Variants in CDH2 observed in about 807,000 individuals in gnomAD.
CDH2 encodes cadherin 2, also known as cadherin-2.
CDH2 carries 17 observed loss-of-function variants against 92.0 expected under a neutral mutation model. The observed-to-expected ratio is 0.18, with a 90% CI of 0.13 to 0.28. The LOEUF is 0.28. Among genes scored for constraint, CDH2 ranks in the 10% least tolerant of loss-of-function variants. The pLI, the probability that CDH2 is intolerant of heterozygous loss-of-function variation, is 1.00. For missense variants in CDH2, 862 were observed against 1,133.1 expected (o/e 0.76, Z 3.44); for synonymous variants, 419 against 415.9 (o/e 1.01, Z -0.09).
At chr18:28,176,088 CA>C (rs1025372695) in intron 1 of CDH2, among the ~76,000 whole-genome samples, 6 of 152,212 alleles carry the variant, frequency 3.9e-5, no homozygotes, top group African/African-American at 1.4e-4. Flanking sequence ...CGGACTGGAG[CA>C]GGTGCTTCCT....
At chr18:28,159,658 GTTTTTTT>G in intron 1 of CDH2, among the ~76,000 whole-genome samples, 1 of 134,912 alleles carries the variant, frequency 7.4e-6, no homozygotes, top group African/African-American at 2.7e-5. Context: ...CAATTTTTTT[GTTTTTTT>G]TTTTTTTTTG....
At chr18:28,051,056 C>G (rs1359675871) in intron 2 of CDH2, among the ~76,000 whole-genome samples, 1 of 152,150 alleles carries the variant, frequency 6.6e-6, no homozygotes, top group Non-Finnish European at 1.5e-5. Flanking sequence ...TTTTCCTTCT[C>G]AATTCTAATC....
intron 6 of CDH2, among the ~76,000 whole-genome samples, chr18:27,942,639 G>A (rs915475102): frequency 2.6e-5 from 4 of 152,196 alleles, no homozygotes; most frequent in African/African-American, 9.7e-5. Context: ...GCTGCATAAA[G>A]AAACAGAAGA....
At chr18:28,123,908 TAGAC>T (rs766798022) in intron 2 of CDH2, among the ~76,000 whole-genome samples, 1 of 152,132 alleles carries the variant, frequency 6.6e-6, no homozygotes, top group Admixed American at 6.6e-5. Flanking sequence ...ATTAAAATAA[TAGAC>T]AGCATTCAGT....
chr18:28,107,975 G>C (rs2015350256), intron 2 of CDH2, among the ~76,000 whole-genome samples: 1 of 152,144 alleles, frequency 6.6e-6, no homozygotes, highest in African/African-American at 2.4e-5. Flanking sequence ...TATCTTCAAA[G>C]AACTTTCTTG....
intron 15 of CDH2, among the ~76,000 whole-genome samples, chr18:27,952,702 T>C (rs550564057): frequency 2.0e-5 from 3 of 152,112 alleles, no homozygotes; most frequent in African/African-American, 7.2e-5. Flanking sequence ...AATAACATAA[T>C]ATATAGAGCA....
intron 5 of CDH2, among the ~76,000 whole-genome samples, chr18:28,007,926 G>T (rs1185023768): frequency 2.0e-5 from 3 of 152,054 alleles, no homozygotes; most frequent in East Asian, 1.9e-4. Context: ...TATAGACAGG[G>T]TTTCACCATG....
chr18:28,087,572 T>C (rs1246511000), intron 2 of CDH2, among the ~76,000 whole-genome samples: 1 of 152,116 alleles, frequency 6.6e-6, no homozygotes, highest in Non-Finnish European at 1.5e-5. Context: ...CCAAGCTTTT[T>C]ATTACATTGG....
At chr18:28,075,756 C>T (rs1034554392) in intron 2 of CDH2, among the ~76,000 whole-genome samples, 2 of 152,148 alleles carry the variant, frequency 1.3e-5, no homozygotes, top group African/African-American at 4.8e-5. Flanking sequence ...TACTGTGGAA[C>T]CTTCAGATAG....
intron 2 of CDH2, among the ~76,000 whole-genome samples, chr18:28,121,176 A>C (rs11083249): frequency 0.23 from 35,047 of 152,110 alleles, 4,548 homozygotes; most frequent in Non-Finnish European, 0.3. Context: ...CCAGGGGTTT[A>C]GGGTCAATAG....
chr18:28,168,928 G>A (rs2144366463), intron 1 of CDH2, among the ~76,000 whole-genome samples: 1 of 152,194 alleles, frequency 6.6e-6, no homozygotes, highest in East Asian at 1.9e-4. Flanking sequence ...AAACCCGTAT[G>A]CTTTGTAGTC....
At chr18:28,029,986 C>T (rs185559205) in intron 2 of CDH2, among the ~76,000 whole-genome samples, 3 of 152,182 alleles carry the variant, frequency 2.0e-5, no homozygotes, top group South Asian at 2.1e-4. Flanking sequence ...ATCCTGTGCA[C>T]GTATTATTTG....
chr18:28,111,124 C>T (rs1423678971), intron 2 of CDH2, among the ~76,000 whole-genome samples: 3 of 152,184 alleles, frequency 2.0e-5, no homozygotes, highest in African/African-American at 4.8e-5. Flanking sequence ...GCAGTGGCGC[C>T]CCTGGCCTAC....
chr18:27,947,346 A>G (rs1909293153), downstream of CDH2, among the ~76,000 whole-genome samples: 1 of 152,008 alleles, frequency 6.6e-6, no homozygotes, highest in East Asian at 1.9e-4. Flanking sequence ...GTGAAATTCC[A>G]TGAAAGTATA....
At chr18:28,043,471 T>TATATATATATATATATATATAA (rs2013996294) in intron 2 of CDH2, among the ~76,000 whole-genome samples, 1 of 66,976 alleles carries the variant, frequency 1.5e-5, no homozygotes, top group Non-Finnish European at 2.9e-5. Flanking sequence ...AATATATATA[T>TATATATATATATATATATATAA]ATATATATAT....
intron 14 of CDH2, among the ~76,000 whole-genome samples, chr18:27,975,276 G>A (rs1277739129): frequency 6.6e-6 from 1 of 152,174 alleles, no homozygotes; most frequent in Non-Finnish European, 1.5e-5. Flanking sequence ...AGAGAAAACT[G>A]ATGTGGAATC....
chr18:27,945,065 A>G (rs1481468699), intron 6 of CDH2, among the ~76,000 whole-genome samples: 2 of 152,166 alleles, frequency 1.3e-5, no homozygotes, highest in Non-Finnish European at 2.9e-5. Flanking sequence ...TATACAAATA[A>G]TCTCTCTCAA....
intron 2 of CDH2, among the ~76,000 whole-genome samples, chr18:28,141,224 C>A (rs1307069020): frequency 6.6e-6 from 1 of 151,776 alleles, no homozygotes; most frequent in Non-Finnish European, 1.5e-5. Context: ...CAGATATATA[C>A]ACAATGGAAT....
At chr18:28,163,423 A>G (rs963860151) in intron 1 of CDH2, among the ~76,000 whole-genome samples, 1 of 152,234 alleles carries the variant, frequency 6.6e-6, no homozygotes, top group Non-Finnish European at 1.5e-5. Flanking sequence ...GCAAATTCTC[A>G]GGCTCTACTG....
Sources: gnomAD v4.1 joint callset for allele counts (sites outside exome capture counted in the v4.1 genomes callset) on GRCh38, gnomAD v4.1.1 for gene constraint, MANE v1.5 for transcripts, NCBI Gene and HGNC (gene_info 2026-07-23, HGNC 2026-07-21) for gene names.